The following SLC25A37 variants were observed in gnomAD, a reference collection of about 807,000 sequenced individuals.
SLC25A37 encodes the protein solute carrier family 25 member 37.
A neutral mutation model predicts 31.0 loss-of-function variants in SLC25A37; 17 were observed. The ratio of observed to expected loss-of-function variants is 0.55; its 90% confidence interval spans 0.38 to 0.82. The LOEUF (loss-of-function observed/expected upper bound fraction) is 0.82, where lower values mean the gene tolerates loss of function less well. Among genes scored for constraint, SLC25A37 ranks in the 40% least tolerant of loss-of-function variants. The pLI, the probability that SLC25A37 is intolerant of heterozygous loss-of-function variation, is 0.00. For synonymous variants in SLC25A37, 222 were observed against 193.0 expected (o/e 1.15, Z -1.24); for missense variants, 404 against 465.8 (o/e 0.87, Z 1.22).
chr8:23,546,110 G>T (rs964443621), intron 1 of SLC25A37, among the ~76,000 whole-genome samples: 2 of 151,390 alleles, frequency 1.3e-5, no homozygotes, highest in Non-Finnish European at 2.9e-5. Flanking sequence ...ACTCCAGGCC[G>T]GGCAACAAGA....
At chr8:23,559,858 T>C (rs1802468477) in intron 1 of SLC25A37, among the ~76,000 whole-genome samples, 1 of 152,256 alleles carries the variant, frequency 6.6e-6, no homozygotes, top group African/African-American at 2.4e-5. Flanking sequence ...CTGAATAATA[T>C]TCCACTGTAT....
intron 1 of SLC25A37, among the ~76,000 whole-genome samples, chr8:23,552,556 C>T (rs1333270250): frequency 2.0e-5 from 3 of 152,138 alleles, no homozygotes; most frequent in Non-Finnish European, 4.4e-5. Context: ...CCCCAGGCCA[C>T]GTGCCCAGAA....
Position 23,529,243 on chromosome 8 carries a change from C to G in SLC25A37, c.210+31C>G, listed in dbSNP as rs375664229. ...GCGCGGGGAGACTTCGGGGACGCAA[C>G]GAGCGGAGAAGGAGCGCGCGCGCGC... is the stretch of plus-strand genomic sequence containing the variant. On this transcript the variant is annotated intron_variant, in intron 1 of 3. Coordinates refer to ENST00000519973, the MANE Select transcript of SLC25A37 (RefSeq NM_016612.4). The surrounding 1 kb of genome is among the most constrained non-coding windows in gnomAD (Gnocchi z 4.1). The G allele has an allele frequency of 2.6e-5, 42 of 1,586,642 alleles. No homozygotes were observed. The highest frequency in any genetic ancestry group is 3.4e-5 in the Non-Finnish European group (40 of 1,167,324).
chr8:23,549,144 C>T lies in SLC25A37; in HGVS notation c.211-16964C>T, dbSNP rs1418754710. ...ACTATAAACTCCTTGAAGGCAAAGA[C>T]GACACCTGCTCCCTCAGTTCCAGCA... On this transcript the variant is annotated intron_variant, in intron 1 of 3. Coordinates refer to ENST00000519973, the MANE Select transcript of SLC25A37 (RefSeq NM_016612.4). Among the ~76,000 whole-genome samples the T allele has an allele frequency of 3.9e-5, 6 of 152,198 alleles. No homozygotes were observed. The South Asian group carries it at 8.3e-4, about 21-fold the overall frequency.
chr8:23,571,266 G>A (rs1016853167), intron 3 of SLC25A37, 69 bp from the exon 4 acceptor site: 11 of 1,456,690 alleles, frequency 7.6e-6, no homozygotes, highest in Non-Finnish European at 9.1e-6. Flanking sequence ...TTCCGACCTG[G>A]GGTGGGGCCA....
chr8:23,554,983 C>G lies in SLC25A37; in HGVS notation c.211-11125C>G, dbSNP rs117411486. On this transcript the variant is annotated intron_variant, in intron 1 of 3. Transcript: ENST00000519973. ...GATCATAAAGTAAATTCCACACACTCCAGCAAGGTATTCAGGGCCTTGCAT... is the reference window on the plus strand; with the variant it reads ...GATCATAAAGTAAATTCCACACACTGCAGCAAGGTATTCAGGGCCTTGCAT... Among the ~76,000 whole-genome samples, 1,122 of 152,294 alleles carry G rather than the reference C, an allele frequency of 7.4e-3. 6 individuals are homozygous for G. Among genetic ancestry groups the G allele is most frequent in the Non-Finnish European group, 0.012 (813 of 68,026 alleles).
chr8:23,540,216 A>G (rs992552690), intron 1 of SLC25A37, among the ~76,000 whole-genome samples: 2 of 152,242 alleles, frequency 1.3e-5, no homozygotes, highest in Admixed American at 6.5e-5. Context: ...TACATGCCCT[A>G]GAACTCGGGC....
chr8:23,548,505 TG>T lies in SLC25A37; in HGVS notation c.211-17602del, dbSNP rs1478597249. On this transcript the variant is annotated intron_variant, in intron 1 of 3. Coordinates refer to ENST00000519973, the MANE Select transcript of SLC25A37 (RefSeq NM_016612.4). ...TTTTTTTTTTTTTTTTTAGACTTGT[TG>T]CCCCCCCAGGATGGAGTGCAGTGGC... Among the ~76,000 whole-genome samples, 27 of 150,226 alleles carry T rather than the reference TG, an allele frequency of 1.8e-4. 1 individual carries two copies. In the South Asian group the frequency reaches 5.7e-3, roughly 32 times the overall value.
At chr8:23,568,098 C>A (rs1802716366) in intron 2 of SLC25A37, 1 of 602,878 alleles carries the variant, frequency 1.7e-6, no homozygotes, top group Non-Finnish European at 3.0e-6. Context: ...CATGTTTTTG[C>A]AAGATTAAAA....
rs73555591 is a variant in SLC25A37, at chr8:23,562,206, G to A, written c.211-3902G>A. The stretch of plus-strand genomic sequence containing the variant: ...TGTGGGGGCCTCTCCCCTGAAGGGC[G>A]CTGCCTGGAGCCACCTCTTGTTCAC... On this transcript the variant is annotated intron_variant, in intron 1 of 3. Transcript: ENST00000519973. Among the ~76,000 whole-genome samples the A allele has an allele frequency of 4.8e-3, 738 of 152,364 alleles. 8 individuals carry two copies. The highest frequency in any genetic ancestry group is 0.017 in the African/African-American group (706 of 41,594).
rs1335320484 is a variant in SLC25A37, at chr8:23,566,352, TTGTC to T, written c.439+19_439+22del. ...CTAGCCAACGGTATTTTGAAAGCGT[TTGTC>T]TGGAGTTAGAAAGTTCTCTTCTTCA... is the stretch of plus-strand genomic sequence containing the variant. On this transcript the variant is annotated intron_variant, in intron 2 of 3. Coordinates refer to ENST00000519973, the MANE Select transcript of SLC25A37 (RefSeq NM_016612.4). 1.3e-6 allele frequency: 2 copies of T among 1,596,452 alleles called. No homozygotes were observed. The highest frequency in any genetic ancestry group is 1.1e-5 in the South Asian group (1 of 87,560).
intron 1 of SLC25A37, among the ~76,000 whole-genome samples, chr8:23,562,413 G>A (rs547397541): frequency 1.3e-5 from 2 of 152,328 alleles, no homozygotes; most frequent in African/African-American, 4.8e-5. Context: ...TAGGGGTGGT[G>A]GGCTAAGAGA....
rs111300427 is a variant in SLC25A37, at chr8:23,556,338, A to G, written c.211-9770A>G. ...TGGGCTCAAGTGATCCTCTCACCTTAGCCTCCCAAGTAGCTAAGACCACTG... is the reference window on the plus strand; with the variant it reads ...TGGGCTCAAGTGATCCTCTCACCTTGGCCTCCCAAGTAGCTAAGACCACTG... On this transcript the variant is annotated intron_variant, in intron 1 of 3. Coordinates refer to ENST00000519973, the MANE Select transcript of SLC25A37 (RefSeq NM_016612.4). Among the ~76,000 whole-genome samples, 226 of 150,330 alleles carry G rather than the reference A, an allele frequency of 1.5e-3. 1 individual carries two copies. Among genetic ancestry groups the G allele is most frequent in the African/African-American group, 5.3e-3 (216 of 40,712 alleles).
Position 23,572,449 on chromosome 8 carries a change from G to T in SLC25A37, c.*594G>T, listed in dbSNP as rs1802887696. 1 of 152,354 alleles carries T rather than the reference G, an allele frequency of 6.6e-6. No homozygotes were observed. The highest frequency in any genetic ancestry group is 2.4e-5 in the African/African-American group (1 of 41,308). The allele number at this position is 152,354 out of a possible 1,614,324, so 9.4% of individuals were successfully genotyped here. A position where few individuals can be genotyped will look rare whatever the true frequency, so the allele number is the denominator to read the frequency against. On this transcript the variant is annotated 3_prime_UTR_variant, in exon 4 of 4. Coordinates refer to ENST00000519973, the MANE Select transcript of SLC25A37 (RefSeq NM_016612.4). ...ATTCTTCCATCAGGTGAACGAAAAA[G>T]GCAACAAAGTAATAAATCAGTGAAT...
At position 23,572,414 on chromosome 8, in the gene SLC25A37, A is replaced by G. The variant is rs144216925; in HGVS notation, c.*559A>G. On this transcript the variant is annotated 3_prime_UTR_variant, in exon 4 of 4. Transcript: ENST00000519973. The stretch of plus-strand genomic sequence containing the variant: ...TGTTTTTGTTGTTGTTATGTTTTTA[A>G]GAGGGTTGAATTCTTCCATCAGGTG... 2 of 152,620 alleles carry G rather than the reference A, an allele frequency of 1.3e-5. No homozygotes were observed. The highest frequency in any genetic ancestry group is 3.9e-4 in the East Asian group (2 of 5,166). 9.5% of individuals were successfully genotyped at this position (152,620 alleles called of 1,614,324 possible).
rs1465942663 is a variant in SLC25A37 at position 23,529,095 on chromosome 8, C to T, written c.93C>T (p.Thr31=). The T allele has an allele frequency of 3.7e-6, 6 of 1,606,412 alleles. No homozygotes were observed. The highest frequency in any genetic ancestry group is 1.7e-5 in the Admixed American group (1 of 59,272). Residue 31 remains threonine (T), a synonymous_variant, in exon 1 of 4, where the codon ACC becomes ACT. Transcript: ENST00000519973. The surrounding 1 kb of genome is among the most constrained non-coding windows in gnomAD (Gnocchi z 4.1). ...SRDGGGGKDA[T]GSEDYENLPT... is the part of the protein sequence containing the mutation. ...ATGGCGGCGGCGGCAAGGACGCCAC[C>T]GGGTCGGAGGACTACGAGAACCTGC... is the stretch of plus-strand genomic sequence containing the variant.
chr8:23,546,577 TATATA>T, intron 1 of SLC25A37, among the ~76,000 whole-genome samples: 1 of 60,374 alleles, frequency 1.7e-5, no homozygotes, highest in African/African-American at 1.2e-4. Context: ...TATATATATA[TATATA>T]GTGTATATAT....
At chr8:23,549,271 A>G (rs552517119) in intron 1 of SLC25A37, among the ~76,000 whole-genome samples, 13 of 152,208 alleles carry the variant, frequency 8.5e-5, no homozygotes, top group African/African-American at 3.1e-4. Context: ...GGAGTCACTC[A>G]TCTCTGGTCC....
Position 23,571,935 on chromosome 8 carries a change from A to C in SLC25A37, c.*80A>C. 2.3e-6 allele frequency: 3 copies of C among 1,323,774 alleles called. No individual in the cohort carries two copies. The highest frequency in any genetic ancestry group is 2.0e-6 in the Non-Finnish European group (2 of 975,618). The allele number at this position is 1,323,774 out of a possible 1,614,324, so 82.0% of individuals were successfully genotyped here. A position where few individuals can be genotyped will look rare whatever the true frequency, so the allele number is the denominator to read the frequency against. On this transcript the variant is annotated 3_prime_UTR_variant, in exon 4 of 4. Transcript: ENST00000519973. ...CTTGCCCTCTCCTCACACGTAGATC[A>C]TTTTTTTTTTGCAGGGTGCTGCCTA...
Sources: allele counts gnomAD v4.1 joint callset (sites outside exome capture counted in the v4.1 genomes callset), GRCh38; gene constraint gnomAD v4.1.1; non-coding constraint Gnocchi (gnomAD v3.1); transcripts MANE v1.5; gene names NCBI Gene and HGNC (gene_info 2026-07-23, HGNC 2026-07-21).